SLAIN2: variants seen among roughly 807,000 people sequenced by gnomAD.
The protein encoded by SLAIN2 is SLAIN family member 2.
SLAIN2 carries 31 observed loss-of-function variants against 56.6 expected under a neutral mutation model. That is an observed-to-expected ratio of 0.55 (90% CI 0.41 to 0.74). The LOEUF is 0.74. Ranked by LOEUF, SLAIN2 falls within the 30% of genes least tolerant of loss-of-function variation. The pLI is 0.00. For synonymous variants in SLAIN2, 317 were observed against 284.9 expected (o/e 1.11, Z -1.13); for missense variants, 777 against 754.2 (o/e 1.03, Z -0.35).
intron 1 of SLAIN2, among the ~76,000 whole-genome samples, chr4:48,364,038 A>C (rs1475292031): frequency 5.4e-5 from 5 of 93,408 alleles, no homozygotes; most frequent in South Asian, 5.3e-4. Context: ...CACTTCCCAG[A>C]TGGGGTGGCT....
At chr4:48,366,516 T>A (rs1342264759) in intron 1 of SLAIN2, among the ~76,000 whole-genome samples, 1 of 152,210 alleles carries the variant, frequency 6.6e-6, no homozygotes, top group African/African-American at 2.4e-5. Context: ...TTTCCAGTAA[T>A]TTTTTTGTTT....
Position 48,426,053 on chromosome 4 carries a change from A to C in SLAIN2, c.*3976A>C, listed in dbSNP as rs1577746564. ...AAAAATATTAAAAAGTATAAAGGTA[A>C]AAAATGATAGTTGTCTGCAATCCCA... On this transcript the variant is annotated 3_prime_UTR_variant, in exon 8 of 8. Transcript: ENST00000264313. The C allele has an allele frequency of 1.3e-5, 2 of 152,342 alleles. No individual in the cohort carries two copies. The highest frequency in any genetic ancestry group is 3.9e-4 in the East Asian group (2 of 5,184). The allele number at this position is 152,342 out of a possible 1,614,324, so 9.4% of individuals were successfully genotyped here.
intron 1 of SLAIN2, among the ~76,000 whole-genome samples, chr4:48,356,690 A>G (rs1315412023): frequency 6.6e-6 from 1 of 152,196 alleles, no homozygotes; most frequent in East Asian, 1.9e-4. Context: ...GTTATGGTTC[A>G]GCACTAGAAG....
intron 6 of SLAIN2, 71 bp downstream of exon 6, chr4:48,383,855 A>T: frequency 6.7e-7 from 1 of 1,496,668 alleles, no homozygotes; most frequent in South Asian, 1.3e-5. Context: ...TATTTGTTTT[A>T]TGCTGAAAAA....
At chr4:48,359,476 G>T (rs781549783) in intron 1 of SLAIN2, among the ~76,000 whole-genome samples, 2 of 151,994 alleles carry the variant, frequency 1.3e-5, no homozygotes, top group Admixed American at 1.3e-4. Context: ...TGATTACTGC[G>T]GTTACCACAG....
At chr4:48,409,292 T>A (rs1716784304) in intron 6 of SLAIN2, among the ~76,000 whole-genome samples, 1 of 152,186 alleles carries the variant, frequency 6.6e-6, no homozygotes, top group South Asian at 2.1e-4. Flanking sequence ...TCTCTATTTT[T>A]TTTTGGTATC....
chr4:48,344,006 G>T (rs1165363694), intron 1 of SLAIN2, among the ~76,000 whole-genome samples: 6 of 152,180 alleles, frequency 3.9e-5, no homozygotes, highest in African/African-American at 1.4e-4. Flanking sequence ...GCCCATTTTA[G>T]ATTATGTATT....
At chr4:48,358,142 T>TA (rs1176516547) in intron 1 of SLAIN2, among the ~76,000 whole-genome samples, 1 of 152,236 alleles carries the variant, frequency 6.6e-6, no homozygotes, top group African/African-American at 2.4e-5. Flanking sequence ...ACAAGTTACT[T>TA]ACCTCACTTG....
At chr4:48,406,246 G>A (rs988212007) in intron 6 of SLAIN2, among the ~76,000 whole-genome samples, 1 of 152,096 alleles carries the variant, frequency 6.6e-6, no homozygotes, top group African/African-American at 2.4e-5. Context: ...GTTGGTCATT[G>A]TTTCCAGGTC....
intron 1 of SLAIN2, among the ~76,000 whole-genome samples, chr4:48,349,709 A>T (rs1364475305): frequency 1.3e-5 from 2 of 152,182 alleles, no homozygotes; most frequent in African/African-American, 4.8e-5. Context: ...TCATGTGGGG[A>T]TCATAATATA....
intron 6 of SLAIN2, among the ~76,000 whole-genome samples, chr4:48,406,632 A>G (rs1288229594): frequency 1.3e-5 from 2 of 151,780 alleles, no homozygotes; most frequent in African/African-American, 4.8e-5. Context: ...TCTCCGTTTA[A>G]ATACATGTTT....
At chr4:48,389,219 C>G (rs1281438917) in intron 6 of SLAIN2, among the ~76,000 whole-genome samples, 6 of 152,192 alleles carry the variant, frequency 3.9e-5, no homozygotes, top group African/African-American at 4.8e-5. Flanking sequence ...ATCACAAGGA[C>G]ACTTTATAAA....
chr4:48,368,927 T>C lies in SLAIN2; in HGVS notation c.390-922T>C, dbSNP rs535813711. Among the ~76,000 whole-genome samples the C allele has an allele frequency of 1.3e-4, 20 of 152,350 alleles. No homozygotes were observed. In the South Asian group the frequency reaches 3.5e-3, roughly 27 times the overall value. On this transcript the variant is annotated intron_variant, in intron 1 of 7. Transcript: ENST00000264313. The stretch of plus-strand genomic sequence containing the variant: ...AGTTTGTCTATTGTAGTTCTGTAGA[T>C]ACATCTTTATTTAAATGTTTACAGT...
chr4:48,359,586 G>A (rs535232079), intron 1 of SLAIN2, among the ~76,000 whole-genome samples: 2 of 152,232 alleles, frequency 1.3e-5, no homozygotes, highest in South Asian at 4.1e-4. Flanking sequence ...AGAAAAGTCT[G>A]GAGAGACATA....
intron 6 of SLAIN2, among the ~76,000 whole-genome samples, chr4:48,413,227 CA>C (rs10572522): frequency 0.018 from 2,553 of 144,842 alleles, 70 homozygotes; most frequent in African/African-American, 0.059. Flanking sequence ...GACTCTGCCT[CA>C]AAAAAAAAAA....
intron 6 of SLAIN2, among the ~76,000 whole-genome samples, chr4:48,410,464 C>A (rs1272889384): frequency 6.6e-6 from 1 of 152,050 alleles, no homozygotes; most frequent in African/African-American, 2.4e-5. Flanking sequence ...AATTTTTGAT[C>A]TTATGGGTCA....
intron 1 of SLAIN2, among the ~76,000 whole-genome samples, chr4:48,345,157 C>T (rs1180710841): frequency 2.0e-5 from 3 of 152,196 alleles, no homozygotes; most frequent in Non-Finnish European, 4.4e-5. Flanking sequence ...CTTTATACAT[C>T]ATAGACTATG....
intron 6 of SLAIN2, among the ~76,000 whole-genome samples, chr4:48,392,710 TCCTGATCAC>T (rs959220276): frequency 2.0e-5 from 3 of 152,090 alleles, no homozygotes; most frequent in Admixed American, 6.6e-5. Context: ...GGGAAATCTT[TCCTGATCAC>T]TCTATTTATA....
chr4:48,359,782 C>T (rs1450116458), intron 1 of SLAIN2, among the ~76,000 whole-genome samples: 2 of 152,162 alleles, frequency 1.3e-5, no homozygotes, highest in Non-Finnish European at 2.9e-5. Flanking sequence ...AATATGACTT[C>T]TTATTGTAAG....
Sources: gnomAD v4.1 joint callset for allele counts (sites outside exome capture counted in the v4.1 genomes callset) on GRCh38, gnomAD v4.1.1 for gene constraint, MANE v1.5 for transcripts, NCBI Gene and HGNC (gene_info 2026-07-23, HGNC 2026-07-21) for gene names.